The following HMCN1 variants were observed in gnomAD, a reference collection of about 807,000 sequenced individuals.
HMCN1 encodes hemicentin-1.
In HMCN1, 321 loss-of-function variants were observed where a neutral mutation model predicts 625.9. The observed-to-expected ratio is 0.51, with a 90% CI of 0.47 to 0.56. The LOEUF (loss-of-function observed/expected upper bound fraction) is 0.56. Among genes scored for constraint, HMCN1 ranks in the 20% least tolerant of loss-of-function variants. HMCN1 has a pLI of 0.00. For missense variants in HMCN1, 6,588 were observed against 6,887.3 expected, an observed-to-expected ratio of 0.96 and a Z score of 1.54; for synonymous variants, 2,425 against 2,417.6, an observed-to-expected ratio of 1.00 and a Z score of -0.09.
chr1:186,153,973 C>T lies in HMCN1; in HGVS notation c.15242C>T (p.Ala5081Val), dbSNP rs2102582209. 6.2e-7 allele frequency: 1 copy of T among 1,610,556 alleles called. No homozygotes were observed. Among genetic ancestry groups the T allele is most frequent in the South Asian group, 1.1e-5 (1 of 91,020 alleles). Residue 5081 changes from alanine (A) to valine (V), a missense_variant, in exon 97 of 107, where the codon GCT becomes GTT. Transcript: ENST00000271588. Reference protein sequence around the residue: ...IEETLGFKIHASISKGDRSNQ... With the variant: ...IEETLGFKIHVSISKGDRSNQ... ...GAGACACTGGGTTTTAAAATTCATG[C>T]TTCAATATCCAAAGGTAATTTGATA...
chr1:186,069,284 A>G (rs1034637111), intron 50 of HMCN1, among the ~76,000 whole-genome samples: 4 of 152,234 alleles, frequency 2.6e-5, no homozygotes, highest in Non-Finnish European at 5.9e-5. Context: ...GACCAAAATA[A>G]AAACTTTGCT....
chr1:185,972,097 T>G (rs1330324529), intron 15 of HMCN1, among the ~76,000 whole-genome samples: 1 of 152,218 alleles, frequency 6.6e-6, no homozygotes, highest in Non-Finnish European at 1.5e-5. Context: ...ATTGTAATTC[T>G]CAACATTTTC....
rs557887846 is a variant in HMCN1 at position 186,110,977 on chromosome 1, C to CTTTTTTTTT, written c.10990-1822_10990-1814dup. 4.4e-3 allele frequency among the ~76,000 whole-genome samples: 269 copies of CTTTTTTTTT among 61,622 alleles called. 84 individuals carry two copies. Among genetic ancestry groups the CTTTTTTTTT allele is most frequent in the African/African-American group, 0.022 (222 of 10,184 alleles). The allele number at this position is 61,622 out of a possible 152,430, so 40.4% of individuals were successfully genotyped here. ...TACGGAAGAAAAACCAGAGAAAATTCTTTTTTTTTTTTTTTTTTTTTGAGA... is the reference window on the plus strand; with the variant it reads ...TACGGAAGAAAAACCAGAGAAAATTCTTTTTTTTTTTTTTTTTTTTTTTTTTTTTTGAGA... On this transcript the variant is annotated intron_variant, in intron 71 of 106. Coordinates refer to ENST00000271588, the MANE Select transcript of HMCN1 (RefSeq NM_031935.3).
chr1:185,748,034 AT>A (rs36021341), intron 1 of HMCN1, among the ~76,000 whole-genome samples: 52,980 of 118,074 alleles, frequency 0.45, 12,162 homozygotes, highest in African/African-American at 0.58. Context: ...GGTACTTAAA[AT>A]TTTTTTTTTT....
chr1:185,982,492 G>A, intron 18 of HMCN1, 103 bp downstream of exon 18: 1 of 1,102,166 alleles, frequency 9.1e-7, no homozygotes, highest in East Asian at 2.5e-5. Flanking sequence ...CTAGGCTGGA[G>A]TGCAGTGGTG....
At chr1:185,945,829 A>T (rs1457937488) in intron 11 of HMCN1, among the ~76,000 whole-genome samples, 1 of 152,166 alleles carries the variant, frequency 6.6e-6, no homozygotes, top group African/African-American at 2.4e-5. Context: ...ACCCATAATG[A>T]TGTGATTTTC....
Position 186,057,400 on chromosome 1 carries a change from A to G in HMCN1, c.7311A>G (p.Ser2437=), listed in dbSNP as rs1657405582. Residue 2437 remains serine (S), a splice_region_variant and synonymous_variant, in exon 46 of 107, where the codon TCA becomes TCG. Transcript: ENST00000271588. ...VSLSNSVRIL[S]GGRMLRLMQT... ...TTAGCAATTCTGTGAGGATTCTTTCAGGTATTAGAAATTCTGGTAGCCTTA... is the reference window on the plus strand; with the variant it reads ...TTAGCAATTCTGTGAGGATTCTTTCGGGTATTAGAAATTCTGGTAGCCTTA... 4 of 1,600,770 alleles carry G rather than the reference A, an allele frequency of 2.5e-6. No individual in the cohort carries two copies. The highest frequency in any genetic ancestry group is 3.3e-5 in the Admixed American group (2 of 59,812).
chr1:185,831,707 C>G (rs554939287), intron 1 of HMCN1, among the ~76,000 whole-genome samples: 1 of 151,944 alleles, frequency 6.6e-6, no homozygotes, highest in African/African-American at 2.4e-5. Context: ...TACAAAAATA[C>G]AACCATTCAG....
chr1:185,924,213 A>ATCT (rs1558068704), intron 8 of HMCN1, among the ~76,000 whole-genome samples: 4 of 77,624 alleles, frequency 5.2e-5, no homozygotes, highest in Non-Finnish European at 7.9e-5. Context: ...CTCTGACCCA[A>ATCT]TCTTTTTTTT....
At chr1:185,838,050 G>T (rs150920745) in intron 1 of HMCN1, among the ~76,000 whole-genome samples, 8 of 152,268 alleles carry the variant, frequency 5.3e-5, no homozygotes, top group African/African-American at 1.9e-4. Flanking sequence ...AGGTCCCTGG[G>T]CATCTGGATA....
At chr1:186,178,336 G>A (rs1652725181) in intron 103 of HMCN1, 80 bp from the exon 104 acceptor site, 1 of 1,024,570 alleles carries the variant, frequency 9.8e-7, no homozygotes, top group Admixed American at 1.8e-5. Context: ...TTGTTTCACA[G>A]ACTCATTCTT....
At chr1:186,082,246 A>G (rs1189275255) in intron 56 of HMCN1, among the ~76,000 whole-genome samples, 2 of 152,206 alleles carry the variant, frequency 1.3e-5, no homozygotes, top group Non-Finnish European at 2.9e-5. Flanking sequence ...AACCACTCCA[A>G]AACTTAATGA....
chr1:186,151,088 T>C, intron 93 of HMCN1, 112 bp from the exon 94 acceptor site: 2 of 1,029,040 alleles, frequency 1.9e-6, no homozygotes, highest in East Asian at 4.8e-5. Context: ...TATGACCTTT[T>C]TGATGTTTGA....
intron 44 of HMCN1, 84 bp downstream of exon 44, chr1:186,054,070 A>G: frequency 2.3e-6 from 3 of 1,314,882 alleles, no homozygotes; most frequent in South Asian, 2.4e-5. Context: ...AATATCTTTA[A>G]TGTTCATTCA....
chr1:185,883,878 GA>G lies in HMCN1; in HGVS notation c.621+18016del, dbSNP rs1376311041. On this transcript the variant is annotated intron_variant, in intron 4 of 106. Coordinates refer to ENST00000271588, the MANE Select transcript of HMCN1 (RefSeq NM_031935.3). ...TAATCAATTAATAGATATAGGTCAT[GA>G]TTTTTTTTTTTTTTTTTTTTTTTTT... 5.3e-4 allele frequency among the ~76,000 whole-genome samples: 50 copies of G among 93,684 alleles called. 1 individual carries two copies. The highest frequency in any genetic ancestry group is 2.2e-3 in the South Asian group (6 of 2,768). The allele number at this position is 93,684 out of a possible 152,430, so 61.5% of individuals were successfully genotyped here. A position where few individuals can be genotyped will look rare whatever the true frequency, so the allele number is the denominator to read the frequency against.
chr1:186,054,912 T>C (rs1657213969), intron 44 of HMCN1, among the ~76,000 whole-genome samples: 1 of 151,984 alleles, frequency 6.6e-6, no homozygotes, highest in African/African-American at 2.4e-5. Context: ...GTGTAGGTTT[T>C]ATACACCTAA....
chr1:186,148,720 T>C (rs557452334), intron 93 of HMCN1, among the ~76,000 whole-genome samples: 1 of 152,272 alleles, frequency 6.6e-6, no homozygotes, highest in African/African-American at 2.4e-5. Context: ...TTGGCCAGGC[T>C]GGTCTTGAAC....
chr1:185,779,287 T>G (rs1465612821), intron 1 of HMCN1, among the ~76,000 whole-genome samples: 1 of 152,202 alleles, frequency 6.6e-6, no homozygotes, highest in African/African-American at 2.4e-5. Context: ...TTTCTCCCAT[T>G]CTGTAGGTTG....
Position 185,997,470 on chromosome 1 carries a change from A to G in HMCN1, c.3820A>G (p.Thr1274Ala). 1.2e-6 allele frequency: 2 copies of G among 1,612,842 alleles called. No individual in the cohort carries two copies. Among genetic ancestry groups the G allele is most frequent in the Non-Finnish European group, 1.7e-6 (2 of 1,179,246 alleles). Residue 1274 changes from threonine (T) to alanine (A), a missense_variant, in exon 25 of 107, where the codon ACT becomes GCT. By Grantham distance (58) the Thr-to-Ala change is moderately conservative. This residue lies in a region of HMCN1 where 4,628 missense variants were observed against 4,853.1 expected (regional missense o/e 0.95). Coordinates refer to ENST00000271588, the MANE Select transcript of HMCN1 (RefSeq NM_031935.3). ...AGATCTAGAACCTCCATATAACACT[A>G]CTTTCCAAGAAAGAGTGGCCAATCA... ...VEDLEPPYNTTFQERVANQRI... is the reference protein window; with the variant it reads ...VEDLEPPYNTAFQERVANQRI...
Sources: allele counts gnomAD v4.1 joint callset (sites outside exome capture counted in the v4.1 genomes callset), GRCh38; gene constraint gnomAD v4.1.1; regional missense constraint gnomAD v4.1.1; transcripts MANE v1.5; gene names NCBI Gene and HGNC (gene_info 2026-07-23, HGNC 2026-07-21).